Variants in ANKRD12 observed in about 807,000 individuals in gnomAD.
ANKRD12 encodes the protein ankyrin repeat domain-containing protein 12.
ANKRD12 carries 85 observed loss-of-function variants against 183.4 expected under a neutral mutation model. The ratio of observed to expected loss-of-function variants is 0.46; its 90% CI spans 0.39 to 0.56. The LOEUF is 0.56. ANKRD12 is among the 20% of genes least tolerant of loss of function. ANKRD12 has a pLI of 0.00. For missense variants in ANKRD12, 2,405 were observed against 2,357.1 expected, an observed-to-expected ratio of 1.02 and a Z score of -0.42; for synonymous variants, 914 against 800.2, an observed-to-expected ratio of 1.14 and a Z score of -2.40.
At chr18:9,180,044 A>G (rs1421902278) in intron 1 of ANKRD12, among the ~76,000 whole-genome samples, 1 of 152,168 alleles carries the variant, frequency 6.6e-6, no homozygotes, top group East Asian at 1.9e-4. Flanking sequence ...ATGTCAATAA[A>G]AAGTATAATA....
chr18:9,237,345 CTA>C (rs949894354), intron 8 of ANKRD12, among the ~76,000 whole-genome samples: 1 of 152,172 alleles, frequency 6.6e-6, no homozygotes, highest in African/African-American at 2.4e-5. Flanking sequence ...CAAATTGTCT[CTA>C]TAACATTCTG....
At chr18:9,194,592 G>A (rs184823439) in intron 2 of ANKRD12, among the ~76,000 whole-genome samples, 94 of 152,110 alleles carry the variant, frequency 6.2e-4, no homozygotes, top group Admixed American at 9.8e-4. Flanking sequence ...CCTGACCTCA[G>A]GTGATACCCA....
rs189552557 is a variant in ANKRD12, at chr18:9,242,131, T to G, written c.944-12080T>G. Among the ~76,000 whole-genome samples, 171 of 152,274 alleles carry G rather than the reference T, an allele frequency of 1.1e-3. 2 individuals carry two copies. The highest frequency in any genetic ancestry group is 3.9e-3 in the African/African-American group (163 of 41,564). The stretch of plus-strand genomic sequence containing the variant: ...TTTTCTGGATGGCTGCAAATTAATG[T>G]AAGTCTTTAAACTTTAGGGTACACA... On this transcript the variant is annotated intron_variant, in intron 8 of 12. Coordinates refer to ENST00000262126, the MANE Select transcript of ANKRD12 (RefSeq NM_015208.5).
intron 2 of ANKRD12, among the ~76,000 whole-genome samples, chr18:9,186,941 C>T (rs992137623): frequency 2.1e-4 from 32 of 151,834 alleles, no homozygotes; most frequent in Non-Finnish European, 4.6e-4. Context: ...TTAGTAGAGA[C>T]GGGGTTTCAC....
chr18:9,281,207 A>G lies in ANKRD12; in HGVS notation c.*81A>G, dbSNP rs2040094910. ...TGTGGAATACTGCCTTTTGACAAAA[A>G]TACTCATGCCTTTACAATTGTTAGT... On this transcript the variant is annotated 3_prime_UTR_variant, in exon 13 of 13. Transcript: ENST00000262126. 2 of 1,163,126 alleles carry G rather than the reference A, an allele frequency of 1.7e-6. No individual in the cohort carries two copies. Among genetic ancestry groups the G allele is most frequent in the African/African-American group, 3.2e-5 (2 of 62,906 alleles). The allele number at this position is 1,163,126 out of a possible 1,614,324, so 72.1% of individuals were successfully genotyped here. A position where few individuals can be genotyped will look rare whatever the true frequency, so the allele number is the denominator to read the frequency against.
At chr18:9,231,387 T>A (rs1196730605) in intron 8 of ANKRD12, among the ~76,000 whole-genome samples, 1 of 152,218 alleles carries the variant, frequency 6.6e-6, no homozygotes, top group Non-Finnish European at 1.5e-5. Context: ...TTCCTTTGTA[T>A]CTAGGAGTAT....
chr18:9,263,478 ACTC>A (rs532890557), intron 9 of ANKRD12, among the ~76,000 whole-genome samples: 21 of 151,436 alleles, frequency 1.4e-4, no homozygotes, highest in African/African-American at 4.6e-4. Flanking sequence ...TGGTTTTGTG[ACTC>A]CTCCTTCCCT....
At chr18:9,175,268 C>T (rs1430764244) in intron 1 of ANKRD12, among the ~76,000 whole-genome samples, 7 of 152,158 alleles carry the variant, frequency 4.6e-5, no homozygotes, top group Admixed American at 6.5e-5. Context: ...CATGTGCAGT[C>T]TCCATGTTTG....
At position 9,254,479 on chromosome 18, in the gene ANKRD12, A is replaced by T. The variant is rs2038483541; in HGVS notation, c.1212A>T (p.Lys404Asn). The T allele has an allele frequency of 6.4e-7, 1 of 1,562,972 alleles. No individual in the cohort carries two copies. Among genetic ancestry groups the T allele is most frequent in the South Asian group, 1.2e-5 (1 of 80,916 alleles). ...CTCATTTATTTGCAAAACAGGAGAAAGCCTTCTATCCTAAATCATTTAAAA... is the reference window on the plus strand; with the variant it reads ...CTCATTTATTTGCAAAACAGGAGAATGCCTTCTATCCTAAATCATTTAAAA... Reference protein sequence around the residue: ...EKTHLFAKQEKAFYPKSFKSK... With the variant: ...EKTHLFAKQENAFYPKSFKSK... Residue 404 changes from lysine (K) to asparagine (N), a missense_variant, in exon 9 of 13, where the codon AAA becomes AAT. Physicochemically the swap from Lys to Asn is moderately conservative, Grantham distance 94. Transcript: ENST00000262126.
At chr18:9,210,995 C>G (rs963528527) in intron 5 of ANKRD12, among the ~76,000 whole-genome samples, 6 of 151,490 alleles carry the variant, frequency 4.0e-5, no homozygotes, top group African/African-American at 1.5e-4. Flanking sequence ...TGGGCATCAT[C>G]TAATTTAACT....
chr18:9,264,349 T>C lies in ANKRD12; in HGVS notation c.5763+461T>C, dbSNP rs114098468. On this transcript the variant is annotated intron_variant, in intron 10 of 12. Coordinates refer to ENST00000262126, the MANE Select transcript of ANKRD12 (RefSeq NM_015208.5). ...GAAGAAAAACCTTTATCGGGTTATT[T>C]ATAGGAATTATAAGTCATTTCACTT... Among the ~76,000 whole-genome samples, 1,066 of 152,342 alleles carry C rather than the reference T, an allele frequency of 7.0e-3. 14 individuals are homozygous for C. The highest frequency in any genetic ancestry group is 0.024 in the African/African-American group (1,004 of 41,568).
chr18:9,203,477 ATATATT>A (rs1267281830), intron 3 of ANKRD12, among the ~76,000 whole-genome samples: 1 of 152,204 alleles, frequency 6.6e-6, no homozygotes, highest in Non-Finnish European at 1.5e-5. Context: ...ATAAGTCAAA[ATATATT>A]TATAAGTAAA....
chr18:9,199,237 G>A (rs1337131237), intron 3 of ANKRD12, among the ~76,000 whole-genome samples: 1 of 152,170 alleles, frequency 6.6e-6, no homozygotes, highest in Non-Finnish European at 1.5e-5. Flanking sequence ...AGGCTACAGT[G>A]AGCTGTGATC....
chr18:9,256,699 A>G lies in ANKRD12; in HGVS notation c.3432A>G (p.Ser1144=), dbSNP rs1264043082. 6.2e-7 allele frequency: 1 copy of G among 1,608,710 alleles called. No homozygotes were observed. Among genetic ancestry groups the G allele is most frequent in the Non-Finnish European group, 8.5e-7 (1 of 1,178,678 alleles). ...AAGAACTTACTAGGTCAAAGAGTTCAGAAGTGACTGATGCATATACCAAGG... is the reference window on the plus strand; with the variant it reads ...AAGAACTTACTAGGTCAAAGAGTTCGGAAGTGACTGATGCATATACCAAGG... ...KNKELTRSKS[S]EVTDAYTKEK... is the part of the protein sequence containing the mutation. The change falls in exon 9 of 13, where the codon TCA becomes TCG. Residue 1144 remains serine, a synonymous_variant. Transcript: ENST00000262126.
At chr18:9,207,503 A>C (rs2035552517) in intron 4 of ANKRD12, among the ~76,000 whole-genome samples, 1 of 152,096 alleles carries the variant, frequency 6.6e-6, no homozygotes, top group African/African-American at 2.4e-5. Flanking sequence ...ATTAAGTGGC[A>C]CACTGGAAGA....
At chr18:9,276,732 A>T (rs1216570016) in intron 11 of ANKRD12, among the ~76,000 whole-genome samples, 1 of 152,022 alleles carries the variant, frequency 6.6e-6, no homozygotes, top group South Asian at 2.1e-4. Context: ...CAAAAAAAAA[A>T]CTTTAAGTCT....
At chr18:9,159,373 C>G (rs1156345042) in intron 1 of ANKRD12, among the ~76,000 whole-genome samples, 2 of 152,164 alleles carry the variant, frequency 1.3e-5, no homozygotes, top group Non-Finnish European at 2.9e-5. Flanking sequence ...CTGTCTGTAA[C>G]CTACCACCCC....
chr18:9,162,920 C>T (rs1398955268), intron 1 of ANKRD12, among the ~76,000 whole-genome samples: 2 of 151,670 alleles, frequency 1.3e-5, no homozygotes, highest in African/African-American at 4.8e-5. Flanking sequence ...AATTTAAGTT[C>T]CTTGTAGACT....
intron 1 of ANKRD12, among the ~76,000 whole-genome samples, chr18:9,150,964 TA>T (rs35616364): frequency 6.6e-5 from 10 of 150,948 alleles, no homozygotes; most frequent in Non-Finnish European, 8.9e-5. Flanking sequence ...ATTTTGTGAT[TA>T]AAAAAAAAAT....
Sources: gnomAD v4.1 joint callset for allele counts (sites outside exome capture counted in the v4.1 genomes callset) on GRCh38, gnomAD v4.1.1 for gene constraint, MANE v1.5 for transcripts, NCBI Gene and HGNC (gene_info 2026-07-23, HGNC 2026-07-21) for gene names.